Variants in UGT1A6 observed in about 807,000 individuals in gnomAD.
The protein encoded by UGT1A6 is UDP glucuronosyltransferase family 1 member A6.
UGT1A6 carries 32 observed loss-of-function variants against 44.4 expected under a neutral mutation model. The ratio of observed to expected loss-of-function variants is 0.72; its 90% CI spans 0.54 to 0.97. UGT1A6 has a LOEUF of 0.97. Ranked by LOEUF, UGT1A6 falls within the 50% of genes least tolerant of loss-of-function variation. The probability of loss-of-function intolerance (pLI) is 0.00; values close to 1 mark genes in which losing one functional copy is unlikely to be tolerated. For synonymous variants in UGT1A6, 238 were observed against 248.5 expected (o/e 0.96, Z 0.40); for missense variants, 685 against 661.9 (o/e 1.03, Z -0.38).
chr2:233,759,804 G>A (rs35746348), intron 1 of UGT1A6, among the ~76,000 whole-genome samples: 153 of 152,314 alleles, frequency 1.0e-3, no homozygotes, highest in African/African-American at 3.5e-3. Context: ...ATACAAGTGA[G>A]CAGGCAGTAC....
At chr2:233,706,177 GTC>G (rs1466872999) in intron 1 of UGT1A6, among the ~76,000 whole-genome samples, 2 of 152,312 alleles carry the variant, frequency 1.3e-5, no homozygotes, top group East Asian at 3.9e-4. Context: ...AATGTGGTGT[GTC>G]TGCCCAGGCT....
chr2:233,715,048 CT>C lies in UGT1A6; in HGVS notation c.861+21192del, dbSNP rs900393425. On this transcript the variant is annotated intron_variant, in intron 1 of 4. Transcript: ENST00000305139. The stretch of plus-strand genomic sequence containing the variant: ...CATGGCACCACATCCAGCTAATTTT[CT>C]TTTTTTTTGTATTTTTTATGGAGAT... 1.6e-3 allele frequency among the ~76,000 whole-genome samples: 238 copies of C among 151,024 alleles called. 2 individuals carry two copies. The highest frequency in any genetic ancestry group is 5.4e-3 in the African/African-American group (222 of 41,172).
At chr2:233,750,988 G>A (rs946459693) in intron 1 of UGT1A6, among the ~76,000 whole-genome samples, 12 of 151,852 alleles carry the variant, frequency 7.9e-5, no homozygotes, top group Non-Finnish European at 1.3e-4. Context: ...GTGAGAAGGC[G>A]GCCACCATCC....
intron 1 of UGT1A6, chr2:233,760,989 C>T: frequency 6.2e-7 from 1 of 1,614,198 alleles, no homozygotes; most frequent in Non-Finnish European, 8.5e-7. Context: ...CAACCCTTGC[C>T]TCAGAATTCC....
Position 233,772,456 on chromosome 2 carries a change from T to G in UGT1A6, c.1496T>G (p.Leu499Arg). The G allele has an allele frequency of 6.2e-7, 1 of 1,614,218 alleles. No individual in the cohort carries two copies. ...DVIGFLLAVV[L>R]TVAFITFKCC... ...ATTGGTTTCCTCTTGGCCGTCGTGC[T>G]GACAGTGGCCTTCATCACCTTTAAA... Residue 499 changes from leucine to arginine, a missense_variant, in exon 5 of 5, where the codon CTG becomes CGG. Physicochemically the swap from Leu to Arg is moderately radical, Grantham distance 102. Transcript: ENST00000305139.
At chr2:233,702,617 T>C (rs1345703688) in intron 1 of UGT1A6, among the ~76,000 whole-genome samples, 1 of 152,142 alleles carries the variant, frequency 6.6e-6, no homozygotes, top group African/African-American at 2.4e-5. Flanking sequence ...CCCCCCACAT[T>C]ATGAGATTGA....
chr2:233,740,208 A>G (rs1691334030), intron 1 of UGT1A6, among the ~76,000 whole-genome samples: 1 of 151,862 alleles, frequency 6.6e-6, no homozygotes, highest in Admixed American at 6.5e-5. Flanking sequence ...TAAATTACCC[A>G]GTCTCAGCTG....
In UGT1A6 at chr2:233,741,861, A is replaced by T. The variant is rs1406457842; in HGVS notation, c.862-25173A>T. On this transcript the variant is annotated intron_variant, in intron 1 of 4. Transcript: ENST00000305139. ...GCCTTTTGCTCTCATGCCTTATGCA[A>T]ACCTTTCCTCAGAGGTGACCCTAGA... The T allele has an allele frequency of 2.6e-5, 4 of 151,886 alleles. No individual in the cohort carries two copies. The East Asian group carries it at 7.7e-4, about 29-fold the overall frequency. The allele number at this position is 151,886 out of a possible 1,614,324, so 9.4% of individuals were successfully genotyped here.
intron 1 of UGT1A6, among the ~76,000 whole-genome samples, chr2:233,717,017 A>C (rs1321283175): frequency 2.0e-5 from 3 of 152,130 alleles, no homozygotes; most frequent in Non-Finnish European, 4.4e-5. Flanking sequence ...CTCTGAAGGC[A>C]CCACCATCTT....
At chr2:233,729,880 G>T in intron 1 of UGT1A6, 1 of 1,613,860 alleles carries the variant, frequency 6.2e-7, no homozygotes, top group Non-Finnish European at 8.5e-7. Flanking sequence ...TCTCAGTCAT[G>T]CATCTGTGTG....
intron 1 of UGT1A6, among the ~76,000 whole-genome samples, chr2:233,757,535 A>AATAAATATACATATACATATATATAT (rs1553619837): frequency 3.1e-4 from 27 of 88,234 alleles, no homozygotes; most frequent in African/African-American, 1.4e-3. Context: ...GCCTGTAAGG[A>AATAAATATACATATACATATATATAT]ATATATATAT....
chr2:233,770,422 G>A (rs995965680), intron 4 of UGT1A6: 1 of 152,196 alleles, frequency 6.6e-6, no homozygotes, highest in Non-Finnish European at 1.5e-5. Flanking sequence ...GGGAGGCCGA[G>A]GCAGGTGGAT....
chr2:233,747,935 G>A lies in UGT1A6; in HGVS notation c.862-19099G>A, dbSNP rs926713638. On this transcript the variant is annotated intron_variant, in intron 1 of 4. Transcript: ENST00000305139. The stretch of plus-strand genomic sequence containing the variant: ...GCCTTGCCTCTGAGCTTTTTCAGAG[G>A]GAGGTGTCAGTGGTGGATCTTCTCA... 5.5e-5 allele frequency: 89 copies of A among 1,613,314 alleles called. No individual in the cohort carries two copies. In the Admixed American group the frequency reaches 6.2e-4, roughly 11 times the overall value.
intron 1 of UGT1A6, among the ~76,000 whole-genome samples, chr2:233,728,411 T>C (rs945344211): frequency 6.6e-6 from 1 of 152,174 alleles, no homozygotes; most frequent in African/African-American, 2.4e-5. Context: ...GTGCTTTAGA[T>C]AGCAGCACCT....
At chr2:233,747,624 ATC>A in intron 1 of UGT1A6, 1 of 1,577,546 alleles carries the variant, frequency 6.3e-7, no homozygotes, top group South Asian at 1.1e-5. Flanking sequence ...TGAGGCCCTG[ATC>A]AGGCACCTGA....
At chr2:233,693,950 C>T (rs2075190769) in intron 1 of UGT1A6, 85 bp downstream of exon 1, 2 of 1,589,758 alleles carry the variant, frequency 1.3e-6, no homozygotes, top group Non-Finnish European at 1.7e-6. Context: ...AGCCGACTGT[C>T]CCTTGGAGGA....
chr2:233,731,513 C>G (rs972587345), intron 1 of UGT1A6, among the ~76,000 whole-genome samples: 4 of 152,148 alleles, frequency 2.6e-5, no homozygotes, highest in Admixed American at 1.3e-4. Context: ...CAGTTCCCAC[C>G]TATGAGTGAG....
chr2:233,710,169 TTTA>T (rs1460838306), intron 1 of UGT1A6, among the ~76,000 whole-genome samples: 1 of 152,248 alleles, frequency 6.6e-6, no homozygotes, highest in Non-Finnish European at 1.5e-5. Context: ...TATGCATTTA[TTTA>T]TTGATGGACA....
intron 1 of UGT1A6, among the ~76,000 whole-genome samples, chr2:233,749,048 G>A (rs971620112): frequency 1.8e-4 from 27 of 151,634 alleles, no homozygotes; most frequent in African/African-American, 6.3e-4. Context: ...GTGGTACTCT[G>A]GGACCTGAAT....
Sources: allele counts gnomAD v4.1 joint callset (sites outside exome capture counted in the v4.1 genomes callset), GRCh38; gene constraint gnomAD v4.1.1; transcripts MANE v1.5; gene names NCBI Gene and HGNC (gene_info 2026-07-23, HGNC 2026-07-21).